The following STK32B variants were observed in gnomAD, a reference collection of about 807,000 sequenced individuals.
STK32B encodes serine/threonine-protein kinase 32B.
In STK32B, 43 loss-of-function variants were observed where a neutral mutation model predicts 52.6. The observed-to-expected ratio is 0.82, with a 90% confidence interval of 0.64 to 1.05. STK32B has a LOEUF of 1.05. Ranked by LOEUF, STK32B falls within the 50% of genes least tolerant of loss-of-function variation. The pLI is 0.00. For synonymous variants in STK32B, 238 were observed against 204.3 expected (o/e 1.17, Z -1.41); for missense variants, 621 against 534.6 (o/e 1.16, Z -1.59).
intron 2 of STK32B, among the ~76,000 whole-genome samples, chr4:5,158,309 C>G (rs1349259085): frequency 6.6e-6 from 1 of 152,084 alleles, no homozygotes; most frequent in Non-Finnish European, 1.5e-5. Context: ...CAGCGCGGGT[C>G]CTGGGGTCCC....
intron 1 of STK32B, among the ~76,000 whole-genome samples, chr4:5,116,941 G>A (rs28856960): frequency 6.6e-6 from 1 of 151,914 alleles, no homozygotes; most frequent in African/African-American, 2.4e-5. Flanking sequence ...TTCTTTTTTG[G>A]ATAGTTCCTT....
At chr4:5,413,953 C>A (rs1227657819) in intron 5 of STK32B, among the ~76,000 whole-genome samples, 1 of 152,228 alleles carries the variant, frequency 6.6e-6, no homozygotes, top group Non-Finnish European at 1.5e-5. Flanking sequence ...TTGGTCCCAG[C>A]AATCCCACTT....
At chr4:5,472,975 G>C (rs1717955919) in intron 11 of STK32B, among the ~76,000 whole-genome samples, 1 of 151,976 alleles carries the variant, frequency 6.6e-6, no homozygotes, top group Non-Finnish European at 1.5e-5. Context: ...CCTTCAGACA[G>C]TGACAATCAA....
rs1341626767 is a variant in STK32B, at chr4:5,317,351, AATAT to A, written c.261-13863_261-13860del. Among the ~76,000 whole-genome samples, 5 of 68,410 alleles carry A rather than the reference AATAT, an allele frequency of 7.3e-5. No individual in the cohort carries two copies. In the East Asian group the frequency reaches 1.5e-3, roughly 20 times the overall value. 44.9% of individuals were successfully genotyped at this position (68,410 alleles called of 152,430 possible). On this transcript the variant is annotated intron_variant, in intron 3 of 11. Transcript: ENST00000282908. ...TATTACATATATAATACATATATAT[AATAT>A]ATATAATGTATATGTATTATATATA...
At chr4:5,485,980 G>T (rs1481965792) in intron 11 of STK32B, among the ~76,000 whole-genome samples, 3 of 152,208 alleles carry the variant, frequency 2.0e-5, no homozygotes, top group Admixed American at 6.5e-5. Flanking sequence ...GGCCGTGTGA[G>T]GTGTCAGTCT....
chr4:5,265,936 G>T (rs1211990636), intron 3 of STK32B, among the ~76,000 whole-genome samples: 3 of 152,100 alleles, frequency 2.0e-5, no homozygotes, highest in Non-Finnish European at 4.4e-5. Context: ...ATAGGATTAG[G>T]TAAGTTTAAT....
chr4:5,106,548 C>T (rs1392362594), intron 1 of STK32B, among the ~76,000 whole-genome samples: 1 of 152,126 alleles, frequency 6.6e-6, no homozygotes, highest in Admixed American at 6.5e-5. Flanking sequence ...CTTTATCACA[C>T]TTAATAAAAT....
intron 3 of STK32B, among the ~76,000 whole-genome samples, chr4:5,252,834 A>T (rs945145630): frequency 6.6e-6 from 1 of 152,164 alleles, no homozygotes; most frequent in African/African-American, 2.4e-5. Flanking sequence ...GGTTACATGC[A>T]GTGATTAATA....
chr4:5,315,486 A>T (rs916222070), intron 3 of STK32B, among the ~76,000 whole-genome samples: 1 of 148,792 alleles, frequency 6.7e-6, no homozygotes, highest in East Asian at 1.9e-4. Context: ...CATAAACTCA[A>T]TATTATCTAA....
intron 11 of STK32B, among the ~76,000 whole-genome samples, chr4:5,483,696 A>G (rs570251091): frequency 6.6e-6 from 1 of 151,834 alleles, no homozygotes; most frequent in East Asian, 1.9e-4. Flanking sequence ...TCAATTTTAG[A>G]TCTTTCCTGC....
rs796807789 is a variant in STK32B, at chr4:5,494,939, C to T, written c.1107-4006C>T. Among the ~76,000 whole-genome samples the T allele has an allele frequency of 1.7e-3, 261 of 152,268 alleles. 1 individual carries two copies. Among genetic ancestry groups the T allele is most frequent in the Middle Eastern group, 0.014 (4 of 294 alleles). ...TCTGGCTTGTAGAGTTTCTGCCTAG[C>T]GATCAGCTGTTAGTCTGATGGGCTT... is the stretch of plus-strand genomic sequence containing the variant. On this transcript the variant is annotated intron_variant, in intron 11 of 11. Coordinates refer to ENST00000282908, the MANE Select transcript of STK32B (RefSeq NM_018401.3).
intron 3 of STK32B, among the ~76,000 whole-genome samples, chr4:5,307,773 T>C (rs1297958576): frequency 2.6e-5 from 4 of 152,128 alleles, no homozygotes; most frequent in Non-Finnish European, 5.9e-5. Flanking sequence ...AGGGAAGTTA[T>C]AGGACTCAAG....
chr4:5,498,932 T>TA lies in STK32B; in HGVS notation c.1107-13_1107-12insA, dbSNP rs757150744. ...ATGCCGCACCACTAACTCAGATCTGTGCTTGTTTGCAGGCTCAGGAGGCAG... is the reference window on the plus strand; with the variant it reads ...ATGCCGCACCACTAACTCAGATCTGTAGCTTGTTTGCAGGCTCAGGAGGCAG... On this transcript the variant is annotated splice_polypyrimidine_tract_variant and intron_variant, in intron 11 of 11. Coordinates refer to ENST00000282908, the MANE Select transcript of STK32B (RefSeq NM_018401.3). 4 of 1,610,232 alleles carry TA rather than the reference T, an allele frequency of 2.5e-6. No individual in the cohort carries two copies. The South Asian group carries it at 4.4e-5, about 18-fold the overall frequency.
At chr4:5,083,635 A>C (rs1712555951) in intron 1 of STK32B, among the ~76,000 whole-genome samples, 1 of 152,244 alleles carries the variant, frequency 6.6e-6, no homozygotes, top group African/African-American at 2.4e-5. Context: ...CAGTATGTAC[A>C]TAAGTAATAA....
chr4:5,329,092 T>G (rs960084507), intron 3 of STK32B, among the ~76,000 whole-genome samples: 1 of 152,144 alleles, frequency 6.6e-6, no homozygotes, highest in African/African-American at 2.4e-5. Flanking sequence ...GACAGGAATA[T>G]TGGGAACGTC....
intron 6 of STK32B, among the ~76,000 whole-genome samples, chr4:5,439,330 G>C (rs1293577660): frequency 6.6e-6 from 1 of 151,638 alleles, no homozygotes; most frequent in Admixed American, 6.6e-5. Flanking sequence ...TTGTGGTTTG[G>C]ATTTGCATTT....
chr4:5,451,397 G>A (rs1715979979), intron 7 of STK32B, among the ~76,000 whole-genome samples: 1 of 152,190 alleles, frequency 6.6e-6, no homozygotes, highest in Non-Finnish European at 1.5e-5. Context: ...TAAAGGACCT[G>A]AGGCCAGCTG....
intron 3 of STK32B, among the ~76,000 whole-genome samples, chr4:5,201,709 G>A (rs933581918): frequency 6.6e-6 from 1 of 152,198 alleles, no homozygotes; most frequent in Non-Finnish European, 1.5e-5. Context: ...TGAAGGGGGA[G>A]CAAGGCACAT....
At chr4:5,306,146 T>C (rs930253355) in intron 3 of STK32B, among the ~76,000 whole-genome samples, 20 of 152,274 alleles carry the variant, frequency 1.3e-4, no homozygotes, top group African/African-American at 4.6e-4. Context: ...TTGGAGAATG[T>C]TCCATGTGCT....
Sources: gnomAD v4.1 joint callset for allele counts (sites outside exome capture counted in the v4.1 genomes callset) on GRCh38, gnomAD v4.1.1 for gene constraint, MANE v1.5 for transcripts, NCBI Gene and HGNC (gene_info 2026-07-23, HGNC 2026-07-21) for gene names.